Variants in VPS35L observed in about 807,000 individuals in gnomAD.
VPS35L encodes the protein VPS35 endosomal protein sorting factor like.
Under a neutral mutation model 133.0 loss-of-function variants are expected in VPS35L, and 83 were observed. That is an observed-to-expected ratio of 0.62 (90% CI 0.52 to 0.75). VPS35L has a LOEUF of 0.75. Ranked by LOEUF, VPS35L falls within the 30% of genes least tolerant of loss-of-function variation. VPS35L has a pLI of 0.00. For missense variants in VPS35L, 1,083 were observed against 1,206.8 expected (o/e 0.90, Z 1.52); for synonymous variants, 423 against 449.9 (o/e 0.94, Z 0.76).
chr16:19,686,858 G>C (rs1353355243), intron 28 of VPS35L, among the ~76,000 whole-genome samples: 6 of 152,094 alleles, frequency 3.9e-5, no homozygotes, highest in African/African-American at 1.4e-4. Context: ...ACTGATTCCA[G>C]AATCCTGTCC....
intron 27 of VPS35L, among the ~76,000 whole-genome samples, chr16:19,681,738 C>G (rs1218591261): frequency 2.0e-5 from 3 of 152,154 alleles, no homozygotes; most frequent in Non-Finnish European, 2.9e-5. Flanking sequence ...TGTTGAGCAT[C>G]CCAAAGAGTG....
chr16:19,627,783 G>A lies in VPS35L; in HGVS notation c.1361G>A (p.Cys454Tyr), dbSNP rs775959528. The A allele has an allele frequency of 1.1e-5, 17 of 1,613,072 alleles. No homozygotes were observed. Among genetic ancestry groups the A allele is most frequent in the Non-Finnish European group, 1.4e-5 (17 of 1,179,132 alleles). ...SMDFIGMIKE[C>Y]DESGFPKHLL... ...GATTTCATTGGCATGATTAAAGAGT[G>A]TGATGAATCTGGTTTCCCCAAGGTA... Residue 454 changes from cysteine (C) to tyrosine (Y), a missense_variant, in exon 16 of 31, where the codon TGT becomes TAT. By Grantham distance (194) the Cys-to-Tyr change is radical (BLOSUM62 -2). Coordinates refer to ENST00000417362, the MANE Select transcript of VPS35L (RefSeq NM_020314.7).
rs936938870 is a variant in VPS35L at position 19,589,889 on chromosome 16, C to T, written c.640-1901C>T. Among the ~76,000 whole-genome samples, 4 of 152,274 alleles carry T rather than the reference C, an allele frequency of 2.6e-5. No homozygotes were observed. The Middle Eastern group carries it at 0.01, about 388-fold the overall frequency. On this transcript the variant is annotated intron_variant, in intron 7 of 30. Transcript: ENST00000417362. ...TCTCTGAGAGACTGTCCAAGCCCAG[C>T]TCTGGGTAGAACTCAGAGATGTCAC...
intron 18 of VPS35L, among the ~76,000 whole-genome samples, chr16:19,632,244 TG>T (rs1347991174): frequency 6.6e-6 from 1 of 152,220 alleles, no homozygotes; most frequent in African/African-American, 2.4e-5. Context: ...ATTACAGGCA[TG>T]AGCCACTGCA....
At chr16:19,566,337 A>G (rs1971188604) in intron 2 of VPS35L, among the ~76,000 whole-genome samples, 1 of 152,122 alleles carries the variant, frequency 6.6e-6, no homozygotes, top group Non-Finnish European at 1.5e-5. Flanking sequence ...CTCTACTAAA[A>G]ATATAAAAAT....
At chr16:19,601,503 A>G (rs1597347798) in intron 8 of VPS35L, 161 bp from the exon 9 acceptor site, 1 of 652,630 alleles carries the variant, frequency 1.5e-6, no homozygotes, top group African/African-American at 1.9e-5. Flanking sequence ...ACAAAACAAA[A>G]AAAATGTGGC....
chr16:19,663,736 A>G (rs1322973646), intron 26 of VPS35L, among the ~76,000 whole-genome samples: 1 of 131,882 alleles, frequency 7.6e-6, no homozygotes, highest in Non-Finnish European at 1.5e-5. Context: ...TTTTTCTTCA[A>G]ATGATCTTAG....
Position 19,700,718 on chromosome 16 carries a change from G to A in VPS35L, c.*242G>A. Reference sequence around the variant, plus strand: ...GTCTCTGTGTTGTCTTTGCACAAGTGGCCTTCGGTCTACTCAGCCCGATCT... The same window carrying A: ...GTCTCTGTGTTGTCTTTGCACAAGTAGCCTTCGGTCTACTCAGCCCGATCT... On this transcript the variant is annotated 3_prime_UTR_variant, in exon 31 of 31. Transcript: ENST00000417362. 1 of 473,316 alleles carries A rather than the reference G, an allele frequency of 2.1e-6. No homozygotes were observed. The allele number at this position is 473,316 out of a possible 1,614,324, so 29.3% of individuals were successfully genotyped here.
chr16:19,557,063 C>T (rs1567376935), intron 1 of VPS35L, among the ~76,000 whole-genome samples: 1 of 151,944 alleles, frequency 6.6e-6, no homozygotes, highest in Non-Finnish European at 1.5e-5. Flanking sequence ...ACCTGGGAGG[C>T]GGAAGCTGGA....
intron 21 of VPS35L, 99 bp downstream of exon 21, chr16:19,640,199 G>A: frequency 9.4e-7 from 1 of 1,061,730 alleles, no homozygotes; most frequent in Non-Finnish European, 1.4e-6. Flanking sequence ...CGAGTGATGT[G>A]TACGTATTTC....
chr16:19,637,508 A>T, intron 19 of VPS35L, 86 bp from the exon 20 acceptor site: 1 of 976,510 alleles, frequency 1.0e-6, no homozygotes, highest in South Asian at 1.8e-5. Flanking sequence ...AAAAAAATTT[A>T]GGTTTTCCTG....
At position 19,610,086 on chromosome 16, in the gene VPS35L, A is replaced by C. The variant is rs567402799; in HGVS notation, c.930-236A>C. 2.6e-5 allele frequency among the ~76,000 whole-genome samples: 4 copies of C among 152,330 alleles called. No individual in the cohort carries two copies. The South Asian group carries it at 8.3e-4, about 32-fold the overall frequency. On this transcript the variant is annotated intron_variant, in intron 11 of 30. Coordinates refer to ENST00000417362, the MANE Select transcript of VPS35L (RefSeq NM_020314.7). ...TGGGGAAAAAATGTGGTTAGCCTCC[A>C]CCACTGAGCAAATGATAACGATGAA...
At chr16:19,660,997 T>C (rs935009476) in intron 26 of VPS35L, among the ~76,000 whole-genome samples, 1 of 151,976 alleles carries the variant, frequency 6.6e-6, no homozygotes, top group African/African-American at 2.4e-5. Flanking sequence ...TTTTAAAATA[T>C]TCATTATTCT....
intron 7 of VPS35L, among the ~76,000 whole-genome samples, chr16:19,585,888 T>C (rs1003606699): frequency 6.6e-6 from 1 of 152,150 alleles, no homozygotes; most frequent in Non-Finnish European, 1.5e-5. Flanking sequence ...GTTATTTGGT[T>C]GAGTTGTAAC....
At chr16:19,615,690 C>T (rs553322098) in intron 12 of VPS35L, among the ~76,000 whole-genome samples, 11 of 144,106 alleles carry the variant, frequency 7.6e-5, no homozygotes, top group East Asian at 6.3e-4. Context: ...AAAAATAGGC[C>T]GGGCGCTGTG....
At position 19,573,247 on chromosome 16, in the gene VPS35L, TA is replaced by T. The variant is rs1169255034; in HGVS notation, c.408+7del. 3 of 1,612,722 alleles carry T rather than the reference TA, an allele frequency of 1.9e-6. No individual in the cohort carries two copies. The highest frequency in any genetic ancestry group is 2.7e-5 in the African/African-American group (2 of 74,878). On this transcript the variant is annotated splice_region_variant and intron_variant, in intron 4 of 30. Transcript: ENST00000417362. ...CTACCGAAAAGCTGTCTATTGTGAG[TA>T]CCAGGAGACCCTCTCCAGAGTCTAC...
At chr16:19,608,828 G>T in intron 10 of VPS35L, 146 bp from the exon 11 acceptor site, 1 of 613,976 alleles carries the variant, frequency 1.6e-6, no homozygotes. Flanking sequence ...GAAACCATAA[G>T]CTACCTTAGT....
At position 19,558,002 on chromosome 16, in the gene VPS35L, G is replaced by A. The variant is rs188928935; in HGVS notation, c.17+2256G>A. Reference sequence around the variant, plus strand: ...GGAGAATCACTTGATCCCAGGAGGCGGAGGTTGCAGTGAGCCAAGATCGTG... The same window carrying A: ...GGAGAATCACTTGATCCCAGGAGGCAGAGGTTGCAGTGAGCCAAGATCGTG... On this transcript the variant is annotated intron_variant, in intron 1 of 30. Transcript: ENST00000417362. Among the ~76,000 whole-genome samples, 22 of 152,152 alleles carry A rather than the reference G, an allele frequency of 1.4e-4. 1 individual carries two copies. The highest frequency in any genetic ancestry group is 1.2e-3 in the Admixed American group (18 of 15,284).
chr16:19,575,705 A>G (rs1393120474), intron 5 of VPS35L, among the ~76,000 whole-genome samples: 5 of 149,600 alleles, frequency 3.3e-5, no homozygotes, highest in Non-Finnish European at 4.4e-5. Flanking sequence ...TCTACTGAAA[A>G]TACAAAATTT....
Sources: gnomAD v4.1 joint callset for allele counts (sites outside exome capture counted in the v4.1 genomes callset) on GRCh38, gnomAD v4.1.1 for gene constraint, MANE v1.5 for transcripts, NCBI Gene and HGNC (gene_info 2026-07-23, HGNC 2026-07-21) for gene names.